Variants in TRAPPC9 observed in about 807,000 individuals in gnomAD.
The protein encoded by TRAPPC9 is IKK2 binding protein.
A neutral mutation model predicts 124.0 loss-of-function variants in TRAPPC9; 83 were observed. That is an observed-to-expected ratio of 0.67 (90% CI 0.56 to 0.80). TRAPPC9 has a LOEUF of 0.80. Ranked by LOEUF, TRAPPC9 falls within the 30% of genes least tolerant of loss-of-function variation. The pLI is 0.00. For synonymous variants in TRAPPC9, 638 were observed against 617.5 expected (o/e 1.03, Z -0.49); for missense variants, 1,302 against 1,508.3 (o/e 0.86, Z 2.27).
intron 9 of TRAPPC9, among the ~76,000 whole-genome samples, chr8:140,349,726 C>T (rs866295955): frequency 1.7e-4 from 26 of 152,160 alleles, no homozygotes; most frequent in Admixed American, 1.5e-3. Flanking sequence ...CCAGGCCTGG[C>T]GAAGTCAACA....
Position 139,785,740 on chromosome 8 carries a change from G to GA in TRAPPC9, c.3056-53539dup, listed in dbSNP as rs199713529. Among the ~76,000 whole-genome samples, 34 of 145,844 alleles carry GA rather than the reference G, an allele frequency of 2.3e-4. No homozygotes were observed. In the East Asian group the frequency reaches 5.3e-3, roughly 23 times the overall value. On this transcript the variant is annotated intron_variant, in intron 21 of 22. Coordinates refer to ENST00000438773, the MANE Select transcript of TRAPPC9 (RefSeq NM_001160372.4). Reference sequence around the variant, plus strand: ...CAAGACTCCATCTAAAAAAAAAGAAGAAAAAAAAAGGAAAACCTTGATCAA... The same window carrying GA: ...CAAGACTCCATCTAAAAAAAAAGAAGAAAAAAAAAAGGAAAACCTTGATCAA...
At chr8:140,020,397 A>C (rs936287833) in intron 18 of TRAPPC9, among the ~76,000 whole-genome samples, 2 of 152,202 alleles carry the variant, frequency 1.3e-5, no homozygotes, top group African/African-American at 4.8e-5. Flanking sequence ...AGGTTGAAGC[A>C]GGAGGATTGC....
At chr8:140,190,924 G>A (rs992759681) in intron 17 of TRAPPC9, among the ~76,000 whole-genome samples, 3 of 152,178 alleles carry the variant, frequency 2.0e-5, no homozygotes, top group African/African-American at 7.2e-5. Context: ...GATGCTGCAT[G>A]GTTGAGGGCT....
intron 7 of TRAPPC9, among the ~76,000 whole-genome samples, chr8:140,389,232 C>T (rs921082902): frequency 6.6e-6 from 1 of 152,180 alleles, no homozygotes; most frequent in African/African-American, 2.4e-5. Context: ...GCTGGGACTA[C>T]AGGCGTGAGC....
intron 8 of TRAPPC9, among the ~76,000 whole-genome samples, chr8:140,368,882 T>TA (rs2068199154): frequency 6.6e-6 from 1 of 152,126 alleles, no homozygotes; most frequent in Non-Finnish European, 1.5e-5. Flanking sequence ...ACCTCATCTC[T>TA]AAAAAATAAA....
intron 21 of TRAPPC9, among the ~76,000 whole-genome samples, chr8:139,847,546 G>C (rs991283932): frequency 1.2e-4 from 18 of 152,194 alleles, no homozygotes; most frequent in African/African-American, 4.3e-4. Context: ...CCTGGGGATG[G>C]GCACGAGCAC....
At position 140,275,654 on chromosome 8, in the gene TRAPPC9, C is replaced by T. The variant is rs1043450683; in HGVS notation, c.2278+4G>A. On this transcript the variant is annotated splice_donor_region_variant and intron_variant, in intron 15 of 22. Coordinates refer to ENST00000438773, the MANE Select transcript of TRAPPC9 (RefSeq NM_001160372.4). ...CCAGGGTCAAAGCTGCTTACAATACCTACCTTTAGTGGTGAGAACTTTCGA... is the reference window on the plus strand; with the variant it reads ...CCAGGGTCAAAGCTGCTTACAATACTTACCTTTAGTGGTGAGAACTTTCGA... 2.5e-6 allele frequency: 4 copies of T among 1,613,992 alleles called. No homozygotes were observed. Among genetic ancestry groups the T allele is most frequent in the Non-Finnish European group, 3.4e-6 (4 of 1,179,822 alleles).
chr8:140,183,424 T>C (rs1285163775), intron 17 of TRAPPC9, among the ~76,000 whole-genome samples: 1 of 152,238 alleles, frequency 6.6e-6, no homozygotes, highest in Non-Finnish European at 1.5e-5. Context: ...AGATGAATGC[T>C]ATTAAAAACT....
At chr8:140,427,368 A>ATC (rs2070462967) in intron 4 of TRAPPC9, among the ~76,000 whole-genome samples, 1 of 147,296 alleles carries the variant, frequency 6.8e-6, no homozygotes, top group African/African-American at 2.5e-5. Flanking sequence ...CTCTATATAT[A>ATC]TATCTCTCTC....
intron 7 of TRAPPC9, among the ~76,000 whole-genome samples, chr8:140,386,865 C>T (rs28796718): frequency 0.029 from 4,365 of 152,264 alleles, 213 homozygotes; most frequent in African/African-American, 0.095. Flanking sequence ...CCAAGTCAGT[C>T]GTAAGCCAAA....
Position 140,218,515 on chromosome 8 carries a change from G to A in TRAPPC9, c.2556+2944C>T, listed in dbSNP as rs553284690. Among the ~76,000 whole-genome samples, 23 of 151,932 alleles carry A rather than the reference G, an allele frequency of 1.5e-4. 1 individual carries two copies. The highest frequency in any genetic ancestry group is 2.8e-4 in the Non-Finnish European group (19 of 67,992). On this transcript the variant is annotated intron_variant, in intron 17 of 22. Transcript: ENST00000438773. ...ATTTTAGACAGGGGCTGGTTCCACT[G>A]CCCCTGCTACTCCCAACTCCTTGGC...
At chr8:140,426,480 A>G (rs2070427451) in intron 5 of TRAPPC9, 135 bp downstream of exon 5, 4 of 932,056 alleles carry the variant, frequency 4.3e-6, no homozygotes, top group Non-Finnish European at 3.4e-6. Context: ...AGCTTTTAAC[A>G]GTTCTGATTT....
chr8:139,947,209 C>T (rs1193940582), intron 19 of TRAPPC9, among the ~76,000 whole-genome samples: 2 of 152,152 alleles, frequency 1.3e-5, no homozygotes, highest in South Asian at 2.1e-4. Context: ...ATGAACTACA[C>T]GCGCATTTCT....
chr8:139,866,371 G>A (rs1362343092), intron 21 of TRAPPC9, among the ~76,000 whole-genome samples: 2 of 152,124 alleles, frequency 1.3e-5, no homozygotes, highest in African/African-American at 4.8e-5. Context: ...CTTTATTTTT[G>A]GTTGATGCAC....
rs2067637574 is a variant in TRAPPC9 at position 140,353,152 on chromosome 8, A to G, written c.1495+6898T>C. Among the ~76,000 whole-genome samples the G allele has an allele frequency of 6.6e-6, 1 of 152,208 alleles. No homozygotes were observed. The highest frequency in any genetic ancestry group is 2.4e-5 in the African/African-American group (1 of 41,438). On this transcript the variant is annotated intron_variant, in intron 9 of 22. Coordinates refer to ENST00000438773, the MANE Select transcript of TRAPPC9 (RefSeq NM_001160372.4). This position sits in a 1 kb window ranked among gnomAD's most constrained non-coding sequence, Gnocchi z 4.2. ...AAGACTTCAGATCCCAACAAGACCA[A>G]GCCCAGGAAATCATGTGCAACGCAA...
intron 20 of TRAPPC9, chr8:139,904,784 G>A (rs534477247): frequency 1.6e-4 from 25 of 152,312 alleles, no homozygotes; most frequent in African/African-American, 5.3e-4. Context: ...AGCAGGTTCC[G>A]TCACACCAGC....
At position 140,451,504 on chromosome 8, in the gene TRAPPC9, G is replaced by A. The variant is rs149768691; in HGVS notation, c.-10-121C>T. On this transcript the variant is annotated intron_variant, in intron 1 of 22. Coordinates refer to ENST00000438773, the MANE Select transcript of TRAPPC9 (RefSeq NM_001160372.4). The stretch of plus-strand genomic sequence containing the variant: ...GGCAGGGGAAGCCCCAAGGAAAGCC[G>A]TGGCATCAACAGGTCTTAGGGCTCT... The A allele has an allele frequency of 3.2e-4, 267 of 838,994 alleles. 2 individuals carry two copies. Among genetic ancestry groups the A allele is most frequent in the Middle Eastern group, 1.6e-3 (6 of 3,664 alleles). 52.0% of individuals were successfully genotyped at this position (838,994 alleles called of 1,614,324 possible). A position where few individuals can be genotyped will look rare whatever the true frequency, so the allele number is the denominator to read the frequency against.
rs546290869 is a variant in TRAPPC9, at chr8:139,797,710, T to G, written c.3056-65508A>C. 3.3e-5 allele frequency among the ~76,000 whole-genome samples: 5 copies of G among 152,386 alleles called. No homozygotes were observed. In the South Asian group the frequency reaches 8.3e-4, roughly 25 times the overall value. ...AGATATTTGATCAACTTCATTCTTT[T>G]GCATAAGGATCTCTGGTTATTCAAG... On this transcript the variant is annotated intron_variant, in intron 21 of 22. Coordinates refer to ENST00000438773, the MANE Select transcript of TRAPPC9 (RefSeq NM_001160372.4).
chr8:140,202,713 C>G (rs2062822569), intron 17 of TRAPPC9, among the ~76,000 whole-genome samples: 1 of 152,194 alleles, frequency 6.6e-6, no homozygotes, highest in Non-Finnish European at 1.5e-5. Flanking sequence ...ACAATGGGCT[C>G]AGGCTCTCAT....
Sources: allele counts gnomAD v4.1 joint callset (sites outside exome capture counted in the v4.1 genomes callset), GRCh38; gene constraint gnomAD v4.1.1; non-coding constraint Gnocchi (gnomAD v3.1); transcripts MANE v1.5; gene names NCBI Gene and HGNC (gene_info 2026-07-23, HGNC 2026-07-21).